GALNT18: variants seen among roughly 807,000 people sequenced by gnomAD.
GALNT18 encodes GalNAc-transferase 18.
In GALNT18, 44 loss-of-function variants were observed where a neutral mutation model predicts 69.5. That is an observed-to-expected ratio of 0.63 (90% confidence interval 0.50 to 0.81). The LOEUF is 0.81. Ranked by LOEUF, GALNT18 falls within the 40% of genes least tolerant of loss-of-function variation. The pLI is 0.00. For synonymous variants in GALNT18, 364 were observed against 318.2 expected, an observed-to-expected ratio of 1.14 and a Z score of -1.53; for missense variants, 715 against 810.0, an observed-to-expected ratio of 0.88 and a Z score of 1.42.
At chr11:11,577,456 G>A (rs1387155399) in intron 1 of GALNT18, among the ~76,000 whole-genome samples, 1 of 152,160 alleles carries the variant, frequency 6.6e-6, no homozygotes, top group Non-Finnish European at 1.5e-5. Context: ...AGTCACCACT[G>A]TGTGCCAGAA....
intron 1 of GALNT18, among the ~76,000 whole-genome samples, chr11:11,466,271 A>T (rs1856154181): frequency 2.0e-5 from 3 of 152,166 alleles, no homozygotes; most frequent in Admixed American, 2.0e-4. Context: ...CAACCTTTAT[A>T]AACCAGTGCC....
At chr11:11,276,953 G>A (rs1283399578) in intron 10 of GALNT18, among the ~76,000 whole-genome samples, 1 of 152,154 alleles carries the variant, frequency 6.6e-6, no homozygotes. Flanking sequence ...GTTCATCAGG[G>A]ATATTGGCCT....
intron 3 of GALNT18, among the ~76,000 whole-genome samples, chr11:11,416,737 A>G (rs970361309): frequency 2.0e-5 from 3 of 152,148 alleles, no homozygotes; most frequent in African/African-American, 7.2e-5. Context: ...CTCCACAACC[A>G]TCCCCCAGGG....
At position 11,602,201 on chromosome 11, in the gene GALNT18, T is replaced by C. The variant is rs1039383744; in HGVS notation, c.235+19158A>G. ...CATCCCTGCTGTATGAGTAGGGTGCTGGGTGGAGATGGTAGTCACTGATCT... is the reference window on the plus strand; with the variant it reads ...CATCCCTGCTGTATGAGTAGGGTGCCGGGTGGAGATGGTAGTCACTGATCT... On this transcript the variant is annotated intron_variant, in intron 1 of 10. Coordinates refer to ENST00000227756, the MANE Select transcript of GALNT18 (RefSeq NM_198516.3). This position sits in a 1 kb window ranked among gnomAD's most constrained non-coding sequence, Gnocchi z 4.7. Among the ~76,000 whole-genome samples the C allele has an allele frequency of 2.0e-5, 3 of 152,214 alleles. No homozygotes were observed. Among genetic ancestry groups the C allele is most frequent in the African/African-American group, 4.8e-5 (2 of 41,464 alleles).
chr11:11,470,006 T>C lies in GALNT18; in HGVS notation c.236-21070A>G, dbSNP rs1449975604. The stretch of plus-strand genomic sequence containing the variant: ...GAATTGAAGTCCTGTTTGCTTGCCT[T>C]TGTAACTGCTTCCCATAGGAACCTT... On this transcript the variant is annotated intron_variant, in intron 1 of 10. Coordinates refer to ENST00000227756, the MANE Select transcript of GALNT18 (RefSeq NM_198516.3). This position sits in a 1 kb window ranked among gnomAD's most constrained non-coding sequence, Gnocchi z 4.8. Among the ~76,000 whole-genome samples, 1 of 152,198 alleles carries C rather than the reference T, an allele frequency of 6.6e-6. No homozygotes were observed. The highest frequency in any genetic ancestry group is 2.4e-5 in the African/African-American group (1 of 41,442).
intron 1 of GALNT18, among the ~76,000 whole-genome samples, chr11:11,525,483 T>C (rs1423168390): frequency 6.6e-6 from 1 of 152,002 alleles, no homozygotes; most frequent in Non-Finnish European, 1.5e-5. Flanking sequence ...CTTGATTGGA[T>C]GAGGTTGAGA....
chr11:11,297,821 C>T (rs4910299), intron 9 of GALNT18, among the ~76,000 whole-genome samples: 1 of 152,168 alleles, frequency 6.6e-6, no homozygotes, highest in African/African-American at 2.4e-5. Flanking sequence ...TCATTCTCTA[C>T]TCAGCTCTAC....
intron 4 of GALNT18, among the ~76,000 whole-genome samples, chr11:11,378,133 G>A (rs1853818536): frequency 2.0e-5 from 3 of 152,240 alleles, no homozygotes; most frequent in East Asian, 1.9e-4. Context: ...GTGGCAAGCA[G>A]GGACTTCAAC....
rs543853584 is a variant in GALNT18 at position 11,462,551 on chromosome 11, C to T, written c.236-13615G>A. Among the ~76,000 whole-genome samples the T allele has an allele frequency of 1.8e-4, 28 of 152,246 alleles. 1 individual carries two copies. Among genetic ancestry groups the T allele is most frequent in the Non-Finnish European group, 8.8e-5 (6 of 68,034 alleles). ...CAAGTGATCCACCCGCCTCAGCCTCCCAAAGTGCTGGGATTTCAGGCATAA... is the reference window on the plus strand; with the variant it reads ...CAAGTGATCCACCCGCCTCAGCCTCTCAAAGTGCTGGGATTTCAGGCATAA... On this transcript the variant is annotated intron_variant, in intron 1 of 10. Coordinates refer to ENST00000227756, the MANE Select transcript of GALNT18 (RefSeq NM_198516.3).
intron 1 of GALNT18, among the ~76,000 whole-genome samples, chr11:11,474,136 C>T (rs76667182): frequency 1.3e-5 from 2 of 152,134 alleles, no homozygotes; most frequent in African/African-American, 2.4e-5. Context: ...AAACCAAGAA[C>T]CCAGGTCATC....
At chr11:11,272,066 T>G (rs1244228123) in intron 10 of GALNT18, among the ~76,000 whole-genome samples, 1 of 152,196 alleles carries the variant, frequency 6.6e-6, no homozygotes, top group Non-Finnish European at 1.5e-5. Flanking sequence ...GACTTTGGCC[T>G]CCCAAGCAGG....
intron 10 of GALNT18, among the ~76,000 whole-genome samples, chr11:11,271,824 C>T (rs979907844): frequency 3.9e-5 from 6 of 152,204 alleles, no homozygotes; most frequent in African/African-American, 1.4e-4. Context: ...GATTTTTCCC[C>T]ATGCTACTGA....
In GALNT18 at chr11:11,613,557, G is replaced by C. The variant is rs1859965803; in HGVS notation, c.235+7802C>G. On this transcript the variant is annotated intron_variant, in intron 1 of 10. Transcript: ENST00000227756. The surrounding 1 kb of genome is among the most constrained non-coding windows in gnomAD (Gnocchi z 4.2). ...CTGCCCTAGGGCACATGCCTTGTAT[G>C]TAGGCCTATGTGTGAGGAAGGGGGA... Among the ~76,000 whole-genome samples the C allele has an allele frequency of 6.6e-6, 1 of 152,232 alleles. No homozygotes were observed. The highest frequency in any genetic ancestry group is 1.5e-5 in the Non-Finnish European group (1 of 68,040).
At chr11:11,355,811 T>C (rs1850518837) in intron 6 of GALNT18, among the ~76,000 whole-genome samples, 1 of 152,152 alleles carries the variant, frequency 6.6e-6, no homozygotes, top group Non-Finnish European at 1.5e-5. Context: ...CACCCCACCA[T>C]TCAGTGCTCC....
At chr11:11,533,519 G>T (rs980568385) in intron 1 of GALNT18, among the ~76,000 whole-genome samples, 3 of 152,198 alleles carry the variant, frequency 2.0e-5, no homozygotes, top group African/African-American at 7.2e-5. Context: ...CTCAGAGACA[G>T]ACACATGTAC....
At chr11:11,348,692 A>G (rs906099218) in intron 6 of GALNT18, among the ~76,000 whole-genome samples, 1 of 152,134 alleles carries the variant, frequency 6.6e-6, no homozygotes, top group Admixed American at 6.5e-5. Flanking sequence ...GGTGGATCAC[A>G]TTCTTGGGTT....
At chr11:11,319,451 C>CCAAGA (rs1849808635) in intron 9 of GALNT18, among the ~76,000 whole-genome samples, 1 of 152,134 alleles carries the variant, frequency 6.6e-6, no homozygotes, top group Non-Finnish European at 1.5e-5. Flanking sequence ...CAGTATCTGG[C>CCAAGA]ACATGAATGC....
At position 11,310,741 on chromosome 11, in the gene GALNT18, G is replaced by A. The variant is rs78622822; in HGVS notation, c.1512+16345C>T. 1.4e-3 allele frequency among the ~76,000 whole-genome samples: 215 copies of A among 152,212 alleles called. 3 individuals are homozygous for A. Among genetic ancestry groups the A allele is most frequent in the Non-Finnish European group, 6.3e-4 (43 of 68,008 alleles). On this transcript the variant is annotated intron_variant, in intron 9 of 10. Transcript: ENST00000227756. ...CAAGGACTCCACCAAAGCTCTACCC[G>A]GGCAGGGCTAATGCAGAGCAACAAA...
chr11:11,326,935 G>A (rs1325486230), intron 9 of GALNT18, 151 bp downstream of exon 9: 1 of 607,548 alleles, frequency 1.6e-6, no homozygotes, highest in Non-Finnish European at 2.9e-6. Flanking sequence ...TCATGAGGAT[G>A]TGCCCTAATG....
Sources: allele counts gnomAD v4.1 joint callset (sites outside exome capture counted in the v4.1 genomes callset), GRCh38; gene constraint gnomAD v4.1.1; non-coding constraint Gnocchi (gnomAD v3.1); transcripts MANE v1.5; gene names NCBI Gene and HGNC (gene_info 2026-07-23, HGNC 2026-07-21).